SYT10: variants seen among roughly 807,000 people sequenced by gnomAD.
SYT10 encodes the protein synaptotagmin 10, also known as synaptotagmin-10.
Under a neutral mutation model 51.1 loss-of-function variants are expected in SYT10, and 31 were observed. That is an observed-to-expected ratio of 0.61 (90% CI 0.46 to 0.82). The LOEUF is 0.82. SYT10 is among the 40% of genes least tolerant of loss of function. The pLI is 0.00. For synonymous variants in SYT10, 233 were observed against 225.9 expected, an observed-to-expected ratio of 1.03 and a Z score of -0.28; for missense variants, 603 against 634.0, an observed-to-expected ratio of 0.95 and a Z score of 0.53.
At chr12:33,385,585 TCC>T (rs1866150478) in intron 3 of SYT10, among the ~76,000 whole-genome samples, 1 of 152,178 alleles carries the variant, frequency 6.6e-6, no homozygotes, top group African/African-American at 2.4e-5. Context: ...TGTCAGTGTT[TCC>T]GCAATCAACA....
intron 2 of SYT10, chr12:33,423,829 C>T: frequency 2.0e-5 from 8 of 410,076 alleles, no homozygotes; most frequent in Middle Eastern, 3.5e-4. Flanking sequence ...CTCTTCCCAG[C>T]TGCATGACTT....
intron 3 of SYT10, among the ~76,000 whole-genome samples, chr12:33,404,541 G>A (rs1188105806): frequency 2.0e-5 from 3 of 152,088 alleles, no homozygotes; most frequent in Admixed American, 1.3e-4. Context: ...ACAGGCATGT[G>A]ACACCATGTC....
At chr12:33,379,749 T>TATCAGATA in intron 6 of SYT10, 83 bp downstream of exon 6, 1 of 1,523,866 alleles carries the variant, frequency 6.6e-7, no homozygotes, top group Non-Finnish European at 8.9e-7. Context: ...ATACATAAAA[T>TATCAGATA]ATCAGATAAA....
At position 33,430,502 on chromosome 12, in the gene SYT10, C is replaced by G. The variant is rs74696665; in HGVS notation, c.152-4007G>C. 5.9e-5 allele frequency among the ~76,000 whole-genome samples: 9 copies of G among 152,286 alleles called. No individual in the cohort carries two copies. The East Asian group carries it at 1.7e-3, about 29-fold the overall frequency. On this transcript the variant is annotated intron_variant, in intron 1 of 6. Transcript: ENST00000228567. The stretch of plus-strand genomic sequence containing the variant: ...GCTAACATGATCATGCAGAAAAGCA[C>G]AGGCCAAGTGTCCTGTTCTCAATTC...
intron 6 of SYT10, among the ~76,000 whole-genome samples, chr12:33,378,721 A>T (rs1866086789): frequency 6.6e-6 from 1 of 152,196 alleles, no homozygotes; most frequent in African/African-American, 2.4e-5. Context: ...TCCACTGTTG[A>T]AACAAATAAT....
intron 6 of SYT10, among the ~76,000 whole-genome samples, 188 bp downstream of exon 6, chr12:33,379,644 A>G (rs1866096728): frequency 6.6e-6 from 1 of 151,794 alleles, no homozygotes; most frequent in Non-Finnish European, 1.5e-5. Context: ...TGTTTTTTAA[A>G]ATCCAGGAAG....
chr12:33,393,769 G>C (rs1866230319), intron 3 of SYT10, among the ~76,000 whole-genome samples: 1 of 152,112 alleles, frequency 6.6e-6, no homozygotes, highest in Admixed American at 6.5e-5. Flanking sequence ...ACTCTCATCA[G>C]AGAGTTCTTA....
chr12:33,435,516 T>C (rs1866631506), intron 1 of SYT10, among the ~76,000 whole-genome samples: 1 of 152,226 alleles, frequency 6.6e-6, no homozygotes, highest in African/African-American at 2.4e-5. Flanking sequence ...TATATTCTTC[T>C]TCAAACAGGC....
At chr12:33,423,360 T>A (rs1255731562) in intron 2 of SYT10, among the ~76,000 whole-genome samples, 7 of 151,926 alleles carry the variant, frequency 4.6e-5, no homozygotes, top group Admixed American at 4.6e-4. Flanking sequence ...TGCGTGCCTG[T>A]GCATGTAGGT....
chr12:33,439,312 C>T (rs1297689225), intron 1 of SYT10, 60 bp downstream of exon 1: 3 of 1,557,750 alleles, frequency 1.9e-6, no homozygotes, highest in Non-Finnish European at 2.6e-6. Context: ...CCGGAGCTTG[C>T]AGCCTAGCGC....
chr12:33,406,273 G>A (rs1053926034), intron 3 of SYT10, among the ~76,000 whole-genome samples: 1 of 151,954 alleles, frequency 6.6e-6, no homozygotes, highest in African/African-American at 2.4e-5. Flanking sequence ...TTCATATATT[G>A]TAATTGTGTG....
In SYT10 at chr12:33,376,779, A is replaced by T; in HGVS notation, c.*51T>A. The T allele has an allele frequency of 6.2e-7, 1 of 1,602,776 alleles. No individual in the cohort carries two copies. Among genetic ancestry groups the T allele is most frequent in the Admixed American group, 1.7e-5 (1 of 59,112 alleles). On this transcript the variant is annotated 3_prime_UTR_variant, in exon 7 of 7. Transcript: ENST00000228567. ...AAACCTTCCACTTTTTTTCTGATTC[A>T]ATGAGCACGTGATCCTAGATGCTTA...
intron 2 of SYT10, among the ~76,000 whole-genome samples, chr12:33,424,561 T>C (rs1866533403): frequency 6.6e-6 from 1 of 152,026 alleles, no homozygotes; most frequent in African/African-American, 2.4e-5. Flanking sequence ...GGGATGGTAG[T>C]GATAATCAAG....
chr12:33,413,036 G>T (rs950674821), intron 2 of SYT10, among the ~76,000 whole-genome samples: 1 of 152,198 alleles, frequency 6.6e-6, no homozygotes, highest in African/African-American at 2.4e-5. Flanking sequence ...CGTGACAAAT[G>T]CACAAGCTTC....
intron 3 of SYT10, among the ~76,000 whole-genome samples, chr12:33,395,866 T>G (rs1377781737): frequency 8.9e-6 from 1 of 111,980 alleles, no homozygotes; most frequent in East Asian, 9.7e-4. Context: ...CACAAGAAAA[T>G]TCATTTCTTT....
chr12:33,422,878 A>C (rs188675577), intron 2 of SYT10, among the ~76,000 whole-genome samples: 5 of 152,200 alleles, frequency 3.3e-5, no homozygotes, highest in African/African-American at 9.6e-5. Flanking sequence ...TTATATTATA[A>C]ATTTACAGAA....
At chr12:33,415,688 G>A (rs969984093) in intron 2 of SYT10, among the ~76,000 whole-genome samples, 7 of 152,122 alleles carry the variant, frequency 4.6e-5, no homozygotes, top group African/African-American at 1.7e-4. Context: ...ATTTCATAAA[G>A]AGGCTTGAAT....
Position 33,431,823 on chromosome 12 carries a change from T to C in SYT10, c.152-5328A>G, listed in dbSNP as rs111747782. Among the ~76,000 whole-genome samples the C allele has an allele frequency of 4.8e-3, 725 of 152,246 alleles. 10 individuals are homozygous for C. Among genetic ancestry groups the C allele is most frequent in the African/African-American group, 0.016 (677 of 41,566 alleles). The stretch of plus-strand genomic sequence containing the variant: ...AAGTCAAATTTTTGGAAATGGGTGG[T>C]GAAGGTGGTGAGTCAGATGTATTTA... On this transcript the variant is annotated intron_variant, in intron 1 of 6. Transcript: ENST00000228567.
chr12:33,398,500 GA>G (rs1213258628), intron 3 of SYT10, among the ~76,000 whole-genome samples: 1 of 152,040 alleles, frequency 6.6e-6, no homozygotes, highest in African/African-American at 2.4e-5. Context: ...GTGACAGACC[GA>G]AACTCTGTCT....
Sources: gnomAD v4.1 joint callset for allele counts (sites outside exome capture counted in the v4.1 genomes callset) on GRCh38, gnomAD v4.1.1 for gene constraint, MANE v1.5 for transcripts, NCBI Gene and HGNC (gene_info 2026-07-23, HGNC 2026-07-21) for gene names.